The following DGLUCY variants were observed in gnomAD, a reference collection of about 807,000 sequenced individuals.
DGLUCY encodes the protein D-glutamate cyclase, mitochondrial.
A neutral mutation model predicts 58.5 loss-of-function variants in DGLUCY; 58 were observed. The observed-to-expected ratio is 0.99, with a 90% CI of 0.80 to 1.23. DGLUCY has a LOEUF of 1.23. Among genes scored for constraint, DGLUCY ranks in the 50% most tolerant of loss-of-function variants. The pLI is 0.00. For synonymous variants in DGLUCY, 325 were observed against 314.1 expected (o/e 1.03, Z -0.37); for missense variants, 779 against 784.7 (o/e 0.99, Z 0.09).
At chr14:91,216,176 A>AGCAGGAGGT (rs1886482380) in intron 13 of DGLUCY, 1 of 170,152 alleles carries the variant, frequency 5.9e-6, no homozygotes, top group African/African-American at 2.4e-5. Flanking sequence ...TGAGGTGGAG[A>AGCAGGAGGT]GCAGGAGGTA....
intron 1 of DGLUCY, among the ~76,000 whole-genome samples, chr14:91,061,407 T>G (rs1210804234): frequency 6.6e-6 from 1 of 152,152 alleles, no homozygotes; most frequent in Non-Finnish European, 1.5e-5. Flanking sequence ...ATTAACAAAA[T>G]AGAATACAAT....
intron 1 of DGLUCY, among the ~76,000 whole-genome samples, chr14:91,088,821 A>G (rs952143735): frequency 2.0e-5 from 3 of 152,204 alleles, no homozygotes; most frequent in Non-Finnish European, 4.4e-5. Context: ...CTGAAGCCAC[A>G]TGTATTCTGG....
At chr14:91,111,200 ATATGTGTGTGTGTGTGTGTGTGTGTGTG>A (rs1161427162), upstream of DGLUCY, among the ~76,000 whole-genome samples, 2 of 79,124 alleles carry the variant, frequency 2.5e-5, no homozygotes, top group African/African-American at 7.5e-5. Flanking sequence ...TTATTTATAT[ATATGTGTGTGTGTGTGTGTGTGTGTGTG>A]TGTGTGTGTG....
At chr14:91,201,983 A>C (rs930961124) in intron 11 of DGLUCY, among the ~76,000 whole-genome samples, 1 of 151,770 alleles carries the variant, frequency 6.6e-6, no homozygotes, top group African/African-American at 2.4e-5. Context: ...TGAACCCAGG[A>C]GGTGGAAGTT....
upstream of DGLUCY, among the ~76,000 whole-genome samples, chr14:91,112,982 A>G (rs1311771765): frequency 7.8e-6 from 1 of 128,930 alleles, no homozygotes; most frequent in African/African-American, 3.0e-5. Context: ...TGGGCAACAG[A>G]GTGAGACTAC....
At position 91,195,665 on chromosome 14, in the gene DGLUCY, G is replaced by GT. The variant is rs1300777648; in HGVS notation, c.1196-706dup. On this transcript the variant is annotated intron_variant, in intron 9 of 13. Coordinates refer to ENST00000256324, the MANE Select transcript of DGLUCY (RefSeq NM_001102368.3). ...AATCGCGATAATGATGGTTTTTTGG[G>GT]TTTTGTTTTTTTTTTTTTTTTTTGA... Among the ~76,000 whole-genome samples, 646 of 134,820 alleles carry GT rather than the reference G, an allele frequency of 4.8e-3. 5 individuals are homozygous for GT. Among genetic ancestry groups the GT allele is most frequent in the African/African-American group, 0.015 (556 of 35,922 alleles). The allele number at this position is 134,820 out of a possible 152,430, so 88.4% of individuals were successfully genotyped here. A position where few individuals can be genotyped will look rare whatever the true frequency, so the allele number is the denominator to read the frequency against.
chr14:91,084,770 G>A (rs2044184291), intron 1 of DGLUCY, among the ~76,000 whole-genome samples: 2 of 152,218 alleles, frequency 1.3e-5, no homozygotes, highest in South Asian at 4.1e-4. Context: ...TGGACTTGAA[G>A]TGGGTGTGAG....
intron 1 of DGLUCY, among the ~76,000 whole-genome samples, chr14:91,085,901 C>G (rs543617546): frequency 2.0e-5 from 3 of 152,132 alleles, no homozygotes; most frequent in Admixed American, 1.3e-4. Context: ...GGGTTCCCAA[C>G]CCCCAGGCCA....
intron 6 of DGLUCY, among the ~76,000 whole-genome samples, chr14:91,174,549 G>A (rs1427405301): frequency 3.3e-5 from 5 of 152,156 alleles, no homozygotes; most frequent in Non-Finnish European, 1.5e-5. Flanking sequence ...CAAGTGGTCT[G>A]CCCGTCTTGG....
intron 1 of DGLUCY, among the ~76,000 whole-genome samples, chr14:91,072,413 A>G (rs1315585469): frequency 6.6e-6 from 1 of 151,580 alleles, no homozygotes; most frequent in Non-Finnish European, 1.5e-5. Context: ...GTTTTTTCTT[A>G]TCTTTAAGGG....
At chr14:91,071,848 C>T (rs1308709366) in intron 1 of DGLUCY, among the ~76,000 whole-genome samples, 2 of 146,802 alleles carry the variant, frequency 1.4e-5, no homozygotes, top group Non-Finnish European at 3.0e-5. Flanking sequence ...AGCCTGGTAA[C>T]AGAGTGAGAC....
At chr14:91,130,515 C>T (rs2045969680) in intron 1 of DGLUCY, among the ~76,000 whole-genome samples, 1 of 151,980 alleles carries the variant, frequency 6.6e-6, no homozygotes, top group African/African-American at 2.4e-5. Flanking sequence ...ACCATATGGG[C>T]CAGGATGGTC....
At chr14:91,061,194 ACC>A (rs1183832419) in intron 1 of DGLUCY, among the ~76,000 whole-genome samples, 1 of 152,214 alleles carries the variant, frequency 6.6e-6, no homozygotes, top group Non-Finnish European at 1.5e-5. Context: ...GTGTGTGACA[ACC>A]AGCGAGACGG....
At chr14:91,119,810 C>T (rs2045241480) in intron 1 of DGLUCY, among the ~76,000 whole-genome samples, 1 of 152,198 alleles carries the variant, frequency 6.6e-6, no homozygotes, top group South Asian at 2.1e-4. Flanking sequence ...AGGACAAAAG[C>T]AGGCAGAGGA....
chr14:91,118,087 CCT>C (rs1491213377), intron 1 of DGLUCY, among the ~76,000 whole-genome samples: 90 of 64,062 alleles, frequency 1.4e-3, no homozygotes, highest in African/African-American at 2.0e-3. Flanking sequence ...CCCCCCCCCC[CCT>C]TTTTTTTTTT....
At chr14:91,168,315 C>A (rs931954324) in intron 4 of DGLUCY, among the ~76,000 whole-genome samples, 1 of 76,930 alleles carries the variant, frequency 1.3e-5, no homozygotes, top group Non-Finnish European at 2.5e-5. Context: ...CTTCTTATGG[C>A]TTGGACCTCA....
chr14:91,204,776 C>T lies in DGLUCY; in HGVS notation c.1515C>T (p.His505=), dbSNP rs1189676572. ...VKEAVRRHIR[H]GDVIACDVEA... The stretch of plus-strand genomic sequence containing the variant: ...AGGCTGTGAGGAGGCACATACGGCA[C>T]GGGGATGTCATCGCCTGCGACGTGG... Residue 505 remains histidine (H), a synonymous_variant, in exon 12 of 14, where the codon CAC becomes CAT. Coordinates refer to ENST00000256324, the MANE Select transcript of DGLUCY (RefSeq NM_001102368.3). The T allele has an allele frequency of 1.1e-5, 17 of 1,613,984 alleles. No individual in the cohort carries two copies. Among genetic ancestry groups the T allele is most frequent in the East Asian group, 2.2e-5 (1 of 44,880 alleles).
Position 91,224,756 on chromosome 14 carries a change from G to A in DGLUCY, c.1789G>A (p.Val597Met). The change falls in exon 14 of 14, where the codon GTG becomes ATG. Residue 597 changes from valine to methionine, a missense_variant. Val to Met is a conservative substitution (Grantham distance 21). Transcript: ENST00000256324. ...SGVSGIVGME[V>M]DGLPFHNTHA... ...CGTCTCGGGCATCGTGGGCATGGAG[G>A]TGGATGGGCTGCCCTTCCACAACAC... is the stretch of plus-strand genomic sequence containing the variant. 2 of 1,613,832 alleles carry A rather than the reference G, an allele frequency of 1.2e-6. No individual in the cohort carries two copies. The highest frequency in any genetic ancestry group is 1.7e-6 in the Non-Finnish European group (2 of 1,179,814).
At chr14:91,152,456 GC>G (rs1156460952) in intron 1 of DGLUCY, among the ~76,000 whole-genome samples, 2 of 152,054 alleles carry the variant, frequency 1.3e-5, no homozygotes, top group Admixed American at 6.6e-5. Context: ...CATGTGGGGA[GC>G]CCTTGTATTT....
Sources: gnomAD v4.1 joint callset for allele counts (sites outside exome capture counted in the v4.1 genomes callset) on GRCh38, gnomAD v4.1.1 for gene constraint, MANE v1.5 for transcripts, NCBI Gene and HGNC (gene_info 2026-07-23, HGNC 2026-07-21) for gene names.